The following PLCB1 variants were observed in gnomAD, a reference collection of about 807,000 sequenced individuals.
The protein encoded by PLCB1 is 1-phosphatidylinositol 4,5-bisphosphate phosphodiesterase beta-1.
In PLCB1, 46 loss-of-function variants were observed where a neutral mutation model predicts 161.8. The observed-to-expected ratio is 0.28, with a 90% CI of 0.22 to 0.36. The LOEUF (loss-of-function observed/expected upper bound fraction) is 0.36, where lower values mean the gene tolerates loss of function less well. PLCB1 is among the 10% of genes least tolerant of loss of function. PLCB1 has a pLI of 1.00. For missense variants in PLCB1, 1,016 were observed against 1,472.5 expected, an observed-to-expected ratio of 0.69 and a Z score of 5.07; for synonymous variants, 517 against 503.7, an observed-to-expected ratio of 1.03 and a Z score of -0.35.
chr20:8,753,404 T>C (rs1249445875), intron 23 of PLCB1, among the ~76,000 whole-genome samples: 1 of 152,150 alleles, frequency 6.6e-6, no homozygotes, highest in Non-Finnish European at 1.5e-5. Context: ...ACTTAACTTG[T>C]ATATAACATC....
At chr20:8,229,874 A>AAATAAAATT (rs1979913744) in intron 2 of PLCB1, among the ~76,000 whole-genome samples, 3 of 25,766 alleles carry the variant, frequency 1.2e-4, no homozygotes, top group East Asian at 3.1e-3. Context: ...AAAATAAAAT[A>AAATAAAATT]AAATAAAATA....
At chr20:8,627,244 G>A (rs1366054940) in intron 3 of PLCB1, among the ~76,000 whole-genome samples, 1 of 152,200 alleles carries the variant, frequency 6.6e-6, no homozygotes, top group East Asian at 1.9e-4. Context: ...AACTCAGCTG[G>A]AAAGGTTTTG....
At chr20:8,842,255 T>G (rs774694178) in intron 31 of PLCB1, among the ~76,000 whole-genome samples, 10 of 152,236 alleles carry the variant, frequency 6.6e-5, no homozygotes, top group Non-Finnish European at 1.0e-4. Context: ...TATGAATTTT[T>G]AATATTTAAT....
At chr20:8,293,754 T>C (rs1983496275) in intron 2 of PLCB1, among the ~76,000 whole-genome samples, 1 of 152,190 alleles carries the variant, frequency 6.6e-6, no homozygotes, top group Non-Finnish European at 1.5e-5. Context: ...ATCTGTGTAC[T>C]ATGCTTTGAG....
At chr20:8,339,232 A>C (rs1407868757) in intron 2 of PLCB1, among the ~76,000 whole-genome samples, 1 of 152,152 alleles carries the variant, frequency 6.6e-6, no homozygotes, top group Non-Finnish European at 1.5e-5. Flanking sequence ...AGTTTTCTGA[A>C]GTTCTGTGTC....
intron 3 of PLCB1, among the ~76,000 whole-genome samples, chr20:8,398,777 TC>T (rs983053059): frequency 6.6e-6 from 1 of 152,064 alleles, no homozygotes; most frequent in Non-Finnish European, 1.5e-5. Context: ...TTTTTTTTTT[TC>T]ATCTGGTATT....
chr20:8,564,214 T>C (rs903667489), intron 3 of PLCB1, among the ~76,000 whole-genome samples: 12 of 151,974 alleles, frequency 7.9e-5, no homozygotes, highest in African/African-American at 2.9e-4. Flanking sequence ...TTGACAAACC[T>C]TACAAAAACA....
At chr20:8,673,297 C>T (rs914841098) in intron 9 of PLCB1, among the ~76,000 whole-genome samples, 2 of 152,112 alleles carry the variant, frequency 1.3e-5, no homozygotes, top group African/African-American at 4.8e-5. Context: ...GCAGGTGGCT[C>T]GCAATGTGCA....
rs919122902 is a variant in PLCB1, at chr20:8,306,667, ATTG to A, written c.178-64709_178-64707del. Among the ~76,000 whole-genome samples, 10 of 152,186 alleles carry A rather than the reference ATTG, an allele frequency of 6.6e-5. No homozygotes were observed. In the East Asian group the frequency reaches 1.7e-3, roughly 26 times the overall value. ...CATCTAATGGGATTATATTAAAATT[ATTG>A]TTGTTTTAATATTGGTTATGAAAAT... On this transcript the variant is annotated intron_variant, in intron 2 of 31. Coordinates refer to ENST00000338037, the MANE Select transcript of PLCB1 (RefSeq NM_015192.4).
intron 2 of PLCB1, among the ~76,000 whole-genome samples, chr20:8,244,256 A>G (rs942917389): frequency 6.6e-6 from 1 of 151,940 alleles, no homozygotes; most frequent in Non-Finnish European, 1.5e-5. Context: ...ATAAATGATC[A>G]TATGTGTCCA....
At chr20:8,629,291 C>A (rs1225092448) in intron 4 of PLCB1, among the ~76,000 whole-genome samples, 1 of 152,000 alleles carries the variant, frequency 6.6e-6, no homozygotes, top group Non-Finnish European at 1.5e-5. Context: ...TATTCAATTA[C>A]GGATTAGAAA....
chr20:8,639,382 A>C (rs1988869731), intron 4 of PLCB1, among the ~76,000 whole-genome samples: 1 of 151,996 alleles, frequency 6.6e-6, no homozygotes, highest in South Asian at 2.1e-4. Flanking sequence ...TCTTATTAGG[A>C]CTCCACAGGT....
At chr20:8,492,877 T>C (rs1025040585) in intron 3 of PLCB1, among the ~76,000 whole-genome samples, 2 of 151,922 alleles carry the variant, frequency 1.3e-5, no homozygotes, top group Non-Finnish European at 2.9e-5. Flanking sequence ...TGTGTGTGCA[T>C]TTTTAATGTA....
At chr20:8,777,404 A>G (rs1261020079) in intron 27 of PLCB1, among the ~76,000 whole-genome samples, 1 of 152,162 alleles carries the variant, frequency 6.6e-6, no homozygotes, top group Non-Finnish European at 1.5e-5. Flanking sequence ...GTTTACTAAC[A>G]GGGTGAATGT....
At chr20:8,657,970 T>G (rs747335759) in intron 8 of PLCB1, among the ~76,000 whole-genome samples, 17 of 152,152 alleles carry the variant, frequency 1.1e-4, no homozygotes, top group Non-Finnish European at 1.9e-4. Context: ...GTGCTGTTCA[T>G]TGCCATCATA....
intron 3 of PLCB1, 37 bp downstream of exon 3, chr20:8,371,487 C>T (rs746338776): frequency 7.0e-7 from 1 of 1,421,994 alleles, no homozygotes; most frequent in Admixed American, 1.9e-5. Flanking sequence ...CCAGATGCTG[C>T]CTTGATTGTT....
At chr20:8,357,369 G>A (rs1331038398) in intron 2 of PLCB1, among the ~76,000 whole-genome samples, 2 of 152,166 alleles carry the variant, frequency 1.3e-5, no homozygotes, top group African/African-American at 2.4e-5. Flanking sequence ...TTGAGGAAAT[G>A]ATCTGAAGCA....
chr20:8,618,082 A>C (rs1988081960), intron 3 of PLCB1, among the ~76,000 whole-genome samples: 3 of 152,196 alleles, frequency 2.0e-5, no homozygotes. Context: ...GGAAGATGCA[A>C]GAACACTTGA....
chr20:8,461,592 A>C (rs1230429712), intron 3 of PLCB1, among the ~76,000 whole-genome samples: 1 of 152,124 alleles, frequency 6.6e-6, no homozygotes, highest in African/African-American at 2.4e-5. Flanking sequence ...TTTTTCCCCT[A>C]ATTAGTTATA....
Sources: allele counts gnomAD v4.1 joint callset (sites outside exome capture counted in the v4.1 genomes callset), GRCh38; gene constraint gnomAD v4.1.1; transcripts MANE v1.5; gene names NCBI Gene and HGNC (gene_info 2026-07-23, HGNC 2026-07-21).